PTPRA: variants seen among roughly 807,000 people sequenced by gnomAD.
The protein encoded by PTPRA is protein tyrosine phosphatase receptor type A.
Under a neutral mutation model 104.8 loss-of-function variants are expected in PTPRA, and 25 were observed. That is an observed-to-expected ratio of 0.24 (90% CI 0.17 to 0.33). PTPRA has a LOEUF of 0.33. Ranked by LOEUF, PTPRA falls within the 10% of genes least tolerant of loss-of-function variation. The pLI is 1.00. For synonymous variants in PTPRA, 323 were observed against 368.9 expected (o/e 0.88, Z 1.43); for missense variants, 765 against 1,015.3 (o/e 0.75, Z 3.35).
At position 2,964,216 on chromosome 20, in the gene PTPRA, T is replaced by C. The variant is rs533045248; in HGVS notation, c.-6-56T>C. 134 of 1,395,456 alleles carry C rather than the reference T, an allele frequency of 9.6e-5. 3 individuals are homozygous for C. In the Admixed American group the frequency reaches 2.2e-3, roughly 22 times the overall value. 86.4% of individuals were successfully genotyped at this position (1,395,456 alleles called of 1,614,324 possible). A position where few individuals can be genotyped will look rare whatever the true frequency, so the allele number is the denominator to read the frequency against. On this transcript the variant is annotated intron_variant, in intron 3 of 23. Coordinates refer to ENST00000399903, the MANE Select transcript of PTPRA (RefSeq NM_001385305.1). ...CCAGAATACTCTTCTGGTGACCAGC[T>C]CAGACATAGTCCTGATAATATAGGA...
At chr20:2,869,804 A>G (rs1009604013), upstream of PTPRA, among the ~76,000 whole-genome samples, 7 of 151,812 alleles carry the variant, frequency 4.6e-5, no homozygotes, top group Non-Finnish European at 7.4e-5. Flanking sequence ...TGTCTCTAGT[A>G]AAAATACAAA....
intron 10 of PTPRA, among the ~76,000 whole-genome samples, chr20:3,007,086 G>A (rs959617219): frequency 6.6e-6 from 1 of 152,130 alleles, no homozygotes; most frequent in East Asian, 1.9e-4. Flanking sequence ...CATCTGTCAA[G>A]AAACTTTCTT....
chr20:2,871,908 GGAGA>G (rs1202498324), upstream of PTPRA, among the ~76,000 whole-genome samples: 1 of 152,202 alleles, frequency 6.6e-6, no homozygotes, highest in East Asian at 1.9e-4. Flanking sequence ...CTGCTGAGAG[GGAGA>G]GAGAGTCACA....
chr20:2,931,143 C>G (rs1461848572), intron 2 of PTPRA, among the ~76,000 whole-genome samples: 3 of 152,114 alleles, frequency 2.0e-5, no homozygotes, highest in East Asian at 3.9e-4. Flanking sequence ...AATCTTCAGA[C>G]TGGAGACCCA....
chr20:2,894,578 A>G (rs1237308985), intron 1 of PTPRA, among the ~76,000 whole-genome samples: 6 of 151,042 alleles, frequency 4.0e-5, no homozygotes, highest in African/African-American at 1.2e-4. Context: ...AAGGTGCTAG[A>G]ATTATAGGCA....
chr20:2,910,467 ATTT>A, intron 1 of PTPRA, among the ~76,000 whole-genome samples: 1 of 112,464 alleles, frequency 8.9e-6, no homozygotes, highest in East Asian at 2.7e-4. Context: ...ATTATATATA[ATTT>A]TTATATATAC....
intron 5 of PTPRA, among the ~76,000 whole-genome samples, chr20:2,966,890 C>T (rs949786840): frequency 7.2e-5 from 11 of 152,228 alleles, no homozygotes; most frequent in African/African-American, 2.6e-4. Context: ...TTAGTAACAA[C>T]ATAAAATGTT....
At chr20:2,981,087 A>G (rs893739461) in intron 6 of PTPRA, among the ~76,000 whole-genome samples, 6 of 152,086 alleles carry the variant, frequency 3.9e-5, no homozygotes, top group Non-Finnish European at 5.9e-5. Context: ...TGTGGACCCA[A>G]TATACTTAAC....
chr20:2,982,660 G>C (rs1041525745), intron 6 of PTPRA, among the ~76,000 whole-genome samples: 13 of 151,802 alleles, frequency 8.6e-5, no homozygotes, highest in Admixed American at 7.2e-4. Flanking sequence ...AAATAATAAG[G>C]TCCTTGCCTT....
the PTPRA span, chr20:2,866,475 G>A: frequency 1.2e-6 from 2 of 1,614,092 alleles, no homozygotes; most frequent in Admixed American, 1.7e-5. Flanking sequence ...ACCGGAATGA[G>A]GCTGAGCTGA....
At chr20:2,866,724 A>C in the PTPRA span, 2 of 1,191,230 alleles carry the variant, frequency 1.7e-6, no homozygotes, top group African/African-American at 1.5e-5. Context: ...ATAAAGTTGG[A>C]ACACTTCACA....
intron 3 of PTPRA, among the ~76,000 whole-genome samples, chr20:2,958,932 A>T (rs1368968825): frequency 1.3e-5 from 2 of 151,526 alleles, no homozygotes; most frequent in Non-Finnish European, 2.9e-5. Context: ...AGGAGTGAGG[A>T]GGACCTCAAC....
chr20:3,026,080 G>A (rs1460085182), intron 17 of PTPRA, among the ~76,000 whole-genome samples: 1 of 151,530 alleles, frequency 6.6e-6, no homozygotes, highest in Admixed American at 6.6e-5. Flanking sequence ...TAAGTAGCTG[G>A]GTCTACAGGC....
intron 7 of PTPRA, among the ~76,000 whole-genome samples, chr20:2,987,770 G>A (rs1021202965): frequency 6.6e-6 from 1 of 152,172 alleles, no homozygotes; most frequent in East Asian, 1.9e-4. Flanking sequence ...GCTGTGCTCT[G>A]CAGTGAGCCA....
chr20:2,999,120 T>C lies in PTPRA; in HGVS notation c.739-5936T>C, dbSNP rs114880800. ...AAACCTAATAATACCTTTTAAAAGG[T>C]GCCAATTACAATAGCATCCAAATGT... On this transcript the variant is annotated intron_variant, in intron 9 of 23. Coordinates refer to ENST00000399903, the MANE Select transcript of PTPRA (RefSeq NM_001385305.1). 1.5e-3 allele frequency among the ~76,000 whole-genome samples: 234 copies of C among 152,162 alleles called. 1 individual carries two copies. The highest frequency in any genetic ancestry group is 5.4e-3 in the African/African-American group (226 of 41,554).
At chr20:3,014,707 A>G (rs1341724599) in intron 11 of PTPRA, among the ~76,000 whole-genome samples, 1 of 151,896 alleles carries the variant, frequency 6.6e-6, no homozygotes, top group African/African-American at 2.4e-5. Flanking sequence ...ACTGCCTTGC[A>G]GCCTTGTAGT....
At chr20:2,996,988 T>G (rs1254423602) in intron 9 of PTPRA, among the ~76,000 whole-genome samples, 2 of 152,180 alleles carry the variant, frequency 1.3e-5, no homozygotes, top group African/African-American at 4.8e-5. Context: ...ATGACAGCAT[T>G]ATTTATAATA....
In PTPRA at chr20:3,014,599, G is replaced by A. The variant is rs1188285410; in HGVS notation, c.907-1250G>A. ...CAGAAGGTTGCCGTGAGCCAAGATCGCACCACTGCACTCCAGCCTGGGTGA... is the reference window on the plus strand; with the variant it reads ...CAGAAGGTTGCCGTGAGCCAAGATCACACCACTGCACTCCAGCCTGGGTGA... On this transcript the variant is annotated intron_variant, in intron 11 of 23. Transcript: ENST00000399903. 4.6e-5 allele frequency among the ~76,000 whole-genome samples: 7 copies of A among 151,304 alleles called. No individual in the cohort carries two copies. In the East Asian group the frequency reaches 9.7e-4, roughly 21 times the overall value.
intron 3 of PTPRA, 54 bp downstream of exon 3, chr20:2,948,078 G>A: frequency 1.1e-6 from 1 of 890,344 alleles, no homozygotes; most frequent in South Asian, 1.5e-5. Context: ...AGGAAGAAAG[G>A]AAACATGGAA....
Sources: gnomAD v4.1 joint callset for allele counts (sites outside exome capture counted in the v4.1 genomes callset) on GRCh38, gnomAD v4.1.1 for gene constraint, MANE v1.5 for transcripts, NCBI Gene and HGNC (gene_info 2026-07-23, HGNC 2026-07-21) for gene names.